The following ESRRG variants were observed in gnomAD, a reference collection of about 807,000 sequenced individuals.
The protein encoded by ESRRG is estrogen related receptor gamma.
A neutral mutation model predicts 44.0 loss-of-function variants in ESRRG; 13 were observed. That is an observed-to-expected ratio of 0.30 (90% confidence interval 0.19 to 0.47). ESRRG has a LOEUF of 0.47. Ranked by LOEUF, ESRRG falls within the 20% of genes least tolerant of loss-of-function variation. The pLI is 1.00. For synonymous variants in ESRRG, 215 were observed against 214.6 expected, an observed-to-expected ratio of 1.00 and a Z score of -0.02; for missense variants, 395 against 580.6, an observed-to-expected ratio of 0.68 and a Z score of 3.29.
At chr1:217,111,075 G>A (rs1001125564) in intron 1 of ESRRG, among the ~76,000 whole-genome samples, 2 of 152,172 alleles carry the variant, frequency 1.3e-5, no homozygotes, top group African/African-American at 4.8e-5. Context: ...CTCCAAGGGT[G>A]CAGCCATACA....
intron 3 of ESRRG, among the ~76,000 whole-genome samples, chr1:216,634,598 T>A (rs986325465): frequency 6.6e-6 from 1 of 152,122 alleles, no homozygotes; most frequent in Non-Finnish European, 1.5e-5. Flanking sequence ...TTAAAAATCG[T>A]TCATAGCAAG....
chr1:216,581,768 C>A (rs1192872209), intron 3 of ESRRG, among the ~76,000 whole-genome samples: 1 of 152,164 alleles, frequency 6.6e-6, no homozygotes, highest in African/African-American at 2.4e-5. Flanking sequence ...GTGGGGTGGG[C>A]AATCTTGAAT....
rs74542326 is a variant in ESRRG, at chr1:216,657,879, C to A, written c.473-6790G>T. 3.5e-3 allele frequency among the ~76,000 whole-genome samples: 534 copies of A among 152,192 alleles called. 6 individuals carry two copies. The highest frequency in any genetic ancestry group is 0.012 in the African/African-American group (513 of 41,512). On this transcript the variant is annotated intron_variant, in intron 2 of 6. Coordinates refer to ENST00000408911, the MANE Select transcript of ESRRG (RefSeq NM_001438.4). ...AGACAAGACCTTTTGCAGGTTGGTT[C>A]TTTAGCATTCTATAGGATTAAATTC...
Position 216,828,217 on chromosome 1 carries a change from G to A in ESRRG, c.-14+111365C>T, listed in dbSNP as rs549236373. ...AGCTATTATGGAAATGGATTCCTGTGACACTTAACAGTAATTTATTGAGCA... is the reference window on the plus strand; with the variant it reads ...AGCTATTATGGAAATGGATTCCTGTAACACTTAACAGTAATTTATTGAGCA... On this transcript the variant is annotated intron_variant, in intron 2 of 7. Coordinates refer to the ESRRG transcript ENST00000359162. 3.3e-5 allele frequency among the ~76,000 whole-genome samples: 5 copies of A among 152,262 alleles called. No individual in the cohort carries two copies. In the South Asian group the frequency reaches 1.0e-3, roughly 32 times the overall value.
intron 2 of ESRRG, among the ~76,000 whole-genome samples, chr1:216,870,186 T>A (rs2096240524): frequency 6.6e-6 from 1 of 151,958 alleles, no homozygotes; most frequent in Non-Finnish European, 1.5e-5. Flanking sequence ...GAGAATTTTA[T>A]CATGAATAGA....
chr1:216,791,879 G>A (rs1283679551), intron 2 of ESRRG, among the ~76,000 whole-genome samples: 1 of 152,090 alleles, frequency 6.6e-6, no homozygotes, highest in Admixed American at 6.6e-5. Flanking sequence ...CCTAGATGCT[G>A]TACTAAATAC....
chr1:217,070,497 T>G (rs1232212876), intron 1 of ESRRG, among the ~76,000 whole-genome samples: 1 of 152,110 alleles, frequency 6.6e-6, no homozygotes, highest in Admixed American at 6.5e-5. Context: ...TTCTCCTGCC[T>G]CAGCCTCCCA....
chr1:216,736,758 G>A (rs1282690570), intron 2 of ESRRG, among the ~76,000 whole-genome samples: 1 of 152,058 alleles, frequency 6.6e-6, no homozygotes, highest in Non-Finnish European at 1.5e-5. Flanking sequence ...AAACACAAAT[G>A]ATTAGGCTCC....
chr1:216,698,620 T>A (rs771418181), intron 1 of ESRRG, among the ~76,000 whole-genome samples: 1 of 149,452 alleles, frequency 6.7e-6, no homozygotes, highest in Non-Finnish European at 1.5e-5. Flanking sequence ...TATGGGAAAA[T>A]CACAAACCAA....
chr1:216,761,823 G>A (rs998243790), intron 2 of ESRRG, among the ~76,000 whole-genome samples: 1 of 152,008 alleles, frequency 6.6e-6, no homozygotes. Flanking sequence ...GTGACTTAAG[G>A]TATACAACTT....
chr1:217,134,714 C>A (rs540222324), intron 1 of ESRRG, among the ~76,000 whole-genome samples: 100 of 152,338 alleles, frequency 6.6e-4, no homozygotes, highest in African/African-American at 2.3e-3. Flanking sequence ...GTGTTTGGCG[C>A]GGCTACGTTT....
chr1:216,678,525 A>G (rs11117660), intron 1 of ESRRG, among the ~76,000 whole-genome samples: 36,276 of 152,156 alleles, frequency 0.24, 4,791 homozygotes, highest in Non-Finnish European at 0.3. Flanking sequence ...AAATGATGAA[A>G]CATCTAATCT....
At chr1:216,777,722 T>C (rs10863270) in intron 2 of ESRRG, among the ~76,000 whole-genome samples, 26,435 of 152,110 alleles carry the variant, frequency 0.17, 2,801 homozygotes, top group East Asian at 0.31. Flanking sequence ...CTATTGTAAG[T>C]AATCCACATT....
intron 2 of ESRRG, among the ~76,000 whole-genome samples, chr1:216,901,750 C>T (rs1229445333): frequency 6.6e-6 from 1 of 151,172 alleles, no homozygotes; most frequent in South Asian, 2.1e-4. Flanking sequence ...TGGCAAAGTG[C>T]CTACTGATAC....
At chr1:217,105,557 T>C (rs568358445) in intron 1 of ESRRG, among the ~76,000 whole-genome samples, 1 of 152,096 alleles carries the variant, frequency 6.6e-6, no homozygotes, top group Non-Finnish European at 1.5e-5. Context: ...CTCTCTAAAG[T>C]CTTCCTGTCT....
intron 5 of ESRRG, among the ~76,000 whole-genome samples, chr1:216,534,177 A>G (rs6604631): frequency 0.3 from 46,205 of 152,024 alleles, 7,522 homozygotes; most frequent in Non-Finnish European, 0.36. Context: ...CACGAAGGCC[A>G]CCTCCTGTGC....
chr1:216,676,318 T>G (rs2076099831), intron 2 of ESRRG, among the ~76,000 whole-genome samples: 3 of 152,320 alleles, frequency 2.0e-5, no homozygotes. Context: ...ATCTGAAATC[T>G]ATGAAGTTTG....
chr1:216,668,727 C>T (rs1490548636), intron 2 of ESRRG, among the ~76,000 whole-genome samples: 1 of 152,150 alleles, frequency 6.6e-6, no homozygotes, highest in African/African-American at 2.4e-5. Context: ...CACACTCACA[C>T]ACACACATAT....
chr1:216,911,676 G>T (rs766933530), intron 2 of ESRRG, among the ~76,000 whole-genome samples: 5 of 151,892 alleles, frequency 3.3e-5, no homozygotes, highest in African/African-American at 7.3e-5. Context: ...AATGGAGCAG[G>T]CTGTGCTAGT....
Sources: gnomAD v4.1 joint callset for allele counts (sites outside exome capture counted in the v4.1 genomes callset) on GRCh38, gnomAD v4.1.1 for gene constraint, MANE v1.5 for transcripts, NCBI Gene and HGNC (gene_info 2026-07-23, HGNC 2026-07-21) for gene names.